BRINP2: variants seen among roughly 807,000 people sequenced by gnomAD.
BRINP2 encodes BMP/retinoic acid-inducible neural-specific protein 2.
A neutral mutation model predicts 69.2 loss-of-function variants in BRINP2; 21 were observed. The ratio of observed to expected loss-of-function variants is 0.30; its 90% CI spans 0.22 to 0.44. The LOEUF is 0.44. Among genes scored for constraint, BRINP2 ranks in the 20% least tolerant of loss-of-function variants. The pLI is 1.00. For missense variants in BRINP2, 877 were observed against 986.0 expected, an observed-to-expected ratio of 0.89 and a Z score of 1.48; for synonymous variants, 380 against 394.1, an observed-to-expected ratio of 0.96 and a Z score of 0.42.
chr1:177,192,560 G>T (rs1347826499), intron 1 of BRINP2, among the ~76,000 whole-genome samples: 1 of 152,120 alleles, frequency 6.6e-6, no homozygotes, highest in Non-Finnish European at 1.5e-5. Context: ...GGGAGGAAAT[G>T]AGCCCATCCT....
At chr1:177,184,796 G>T (rs376345764) in intron 1 of BRINP2, among the ~76,000 whole-genome samples, 20 of 152,132 alleles carry the variant, frequency 1.3e-4, no homozygotes, top group East Asian at 7.7e-4. Context: ...TAAAATATGG[G>T]TTACTAGAAA....
intron 1 of BRINP2, among the ~76,000 whole-genome samples, chr1:177,185,451 A>T (rs1416534344): frequency 6.6e-6 from 1 of 152,206 alleles, no homozygotes; most frequent in Non-Finnish European, 1.5e-5. Context: ...CAGCCCAGCC[A>T]TATTATCCCT....
At chr1:177,273,628 C>A (rs758055939) in intron 5 of BRINP2, 35 bp downstream of exon 5, 2 of 1,307,346 alleles carry the variant, frequency 1.5e-6, no homozygotes, top group East Asian at 2.6e-5. Flanking sequence ...ATACCTTTCA[C>A]ACCTGATTTA....
At position 177,280,541 on chromosome 1, in the gene BRINP2, C is replaced by T. The variant is rs1271035964; in HGVS notation, c.1365C>T (p.Pro455=). The part of the protein sequence containing the change: ...CPYDQSSCQG[P]IPCALGEGPA... ...ATGACCAATCTTCCTGCCAGGGCCC[C>T]ATCCCATGTGCCTTGGGCGAAGGGC... Residue 455 remains proline (P), a synonymous_variant, in exon 8 of 8, where the codon CCC becomes CCT. Transcript: ENST00000361539. 6 of 1,614,102 alleles carry T rather than the reference C, an allele frequency of 3.7e-6. No homozygotes were observed. The African/African-American group carries it at 6.7e-5, about 18-fold the overall frequency.
intron 1 of BRINP2, among the ~76,000 whole-genome samples, chr1:177,179,597 A>C (rs1443565647): frequency 6.6e-6 from 1 of 151,582 alleles, no homozygotes; most frequent in East Asian, 1.9e-4. Context: ...TCACACACAC[A>C]CTCTTTCTCT....
chr1:177,197,681 T>A (rs1042604969), intron 1 of BRINP2, among the ~76,000 whole-genome samples: 1 of 152,090 alleles, frequency 6.6e-6, no homozygotes, highest in Non-Finnish European at 1.5e-5. Flanking sequence ...TATTGTGTTA[T>A]GGCACCCAAG....
chr1:177,204,968 T>C (rs1240355306), intron 1 of BRINP2, among the ~76,000 whole-genome samples: 1 of 152,226 alleles, frequency 6.6e-6, no homozygotes. Context: ...TAAATGATTG[T>C]ATTATACTGT....
At chr1:177,219,260 T>C (rs888898279) in intron 1 of BRINP2, among the ~76,000 whole-genome samples, 1 of 152,190 alleles carries the variant, frequency 6.6e-6, no homozygotes, top group Non-Finnish European at 1.5e-5. Context: ...AGCAGCTTTA[T>C]TGATTGCACC....
intron 2 of BRINP2, among the ~76,000 whole-genome samples, chr1:177,231,365 T>C (rs1401879747): frequency 6.6e-6 from 1 of 152,222 alleles, no homozygotes; most frequent in Non-Finnish European, 1.5e-5. Context: ...ATTTTCTTTT[T>C]TCTGGGAGTT....
At chr1:177,172,095 T>C (rs11590995) in intron 1 of BRINP2, among the ~76,000 whole-genome samples, 6,808 of 152,302 alleles carry the variant, frequency 0.045, 210 homozygotes, top group Non-Finnish European at 0.061. Flanking sequence ...GACGAGGACT[T>C]TTGCCTGCCC....
At chr1:177,248,460 CGTGTGTGTGTGCGT>C (rs1558176076) in intron 2 of BRINP2, among the ~76,000 whole-genome samples, 1 of 140,000 alleles carries the variant, frequency 7.1e-6, no homozygotes, top group African/African-American at 2.7e-5. Flanking sequence ...TGTGTGCGTG[CGTGTGTGTGTGCGT>C]GTGTGTGTGT....
intron 2 of BRINP2, among the ~76,000 whole-genome samples, chr1:177,230,906 C>G (rs1649845837): frequency 6.6e-6 from 1 of 152,148 alleles, no homozygotes; most frequent in South Asian, 2.1e-4. Context: ...GCCATTTTTC[C>G]CCTTACTTGT....
At chr1:177,254,235 G>A (rs542106368) in intron 2 of BRINP2, among the ~76,000 whole-genome samples, 1 of 152,220 alleles carries the variant, frequency 6.6e-6, no homozygotes, top group African/African-American at 2.4e-5. Flanking sequence ...CTATTTCAGA[G>A]TGTTCATGTT....
At chr1:177,194,319 T>A (rs1432996539) in intron 1 of BRINP2, among the ~76,000 whole-genome samples, 1 of 152,226 alleles carries the variant, frequency 6.6e-6, no homozygotes, top group Non-Finnish European at 1.5e-5. Flanking sequence ...TTAGTCCTGG[T>A]TCCTTCTATG....
chr1:177,213,519 T>G (rs907488515), intron 1 of BRINP2, among the ~76,000 whole-genome samples: 3 of 152,260 alleles, frequency 2.0e-5, no homozygotes, highest in Non-Finnish European at 4.4e-5. Context: ...ATTTGATTTT[T>G]AAAATACTGA....
At chr1:177,232,301 G>A (rs1184578457) in intron 2 of BRINP2, among the ~76,000 whole-genome samples, 1 of 152,138 alleles carries the variant, frequency 6.6e-6, no homozygotes, top group Non-Finnish European at 1.5e-5. Context: ...GTTGGCCCAC[G>A]GGGAGTGTCT....
At chr1:177,183,535 C>G (rs1648328323) in intron 1 of BRINP2, among the ~76,000 whole-genome samples, 1 of 152,150 alleles carries the variant, frequency 6.6e-6, no homozygotes, top group African/African-American at 2.4e-5. Context: ...ATGGACTCAT[C>G]ATGGCCTCAG....
rs756265400 is a variant in BRINP2, at chr1:177,280,758, C to T, written c.1582C>T (p.His528Tyr). 1.2e-6 allele frequency: 2 copies of T among 1,614,196 alleles called. No individual in the cohort carries two copies. Among genetic ancestry groups the T allele is most frequent in the Non-Finnish European group, 1.7e-6 (2 of 1,180,028 alleles). ...LQKQDSRIEV[H>Y]SIFISNDMRL... is the part of the protein sequence containing the mutation. ...GAAGCAGGATAGCCGCATTGAGGTA[C>T]ACTCCATCTTCATCAGCAATGACAT... The change falls in exon 8 of 8, where the codon CAC (histidine) becomes TAC (tyrosine). Residue 528 changes from histidine (H) to tyrosine (Y), a missense_variant. By Grantham distance (83) the His-to-Tyr change is moderately conservative. Coordinates refer to ENST00000361539, the MANE Select transcript of BRINP2 (RefSeq NM_021165.4).
chr1:177,256,571 C>G, intron 3 of BRINP2: 3 of 985,412 alleles, frequency 3.0e-6, no homozygotes, highest in Non-Finnish European at 3.6e-6. Context: ...GAATCATCCT[C>G]TTGTGGGGCG....
Sources: allele counts gnomAD v4.1 joint callset (sites outside exome capture counted in the v4.1 genomes callset), GRCh38; gene constraint gnomAD v4.1.1; transcripts MANE v1.5; gene names NCBI Gene and HGNC (gene_info 2026-07-23, HGNC 2026-07-21).